The following TMEM45A variants were observed in gnomAD, a reference collection of about 807,000 sequenced individuals.
The protein encoded by TMEM45A is DNA polymerase-transactivated protein 4.
Under a neutral mutation model 32.0 loss-of-function variants are expected in TMEM45A, and 25 were observed. The ratio of observed to expected loss-of-function variants is 0.78; its 90% CI spans 0.57 to 1.09. The LOEUF (loss-of-function observed/expected upper bound fraction) is 1.09. Ranked by LOEUF, TMEM45A falls within the 50% of genes least tolerant of loss-of-function variation. The probability of loss-of-function intolerance (pLI) is 0.00; values close to 1 mark genes in which losing one functional copy is unlikely to be tolerated. For missense variants in TMEM45A, 302 were observed against 325.0 expected (o/e 0.93, Z 0.54); for synonymous variants, 122 against 114.8 (o/e 1.06, Z -0.40).
At chr3:100,573,486 T>C (rs999165717) in intron 5 of TMEM45A, 1 of 152,260 alleles carries the variant, frequency 6.6e-6, no homozygotes, top group African/African-American at 2.4e-5. Flanking sequence ...GCTTATCAGC[T>C]TAAGGAGCTT....
intron 1 of TMEM45A, among the ~76,000 whole-genome samples, chr3:100,545,447 T>C (rs1415201785): frequency 1.3e-5 from 2 of 152,192 alleles, no homozygotes; most frequent in Non-Finnish European, 2.9e-5. Context: ...TGTGTATAGT[T>C]TCTAGCTGTA....
At chr3:100,500,126 G>A (rs1707989519) in intron 1 of TMEM45A, among the ~76,000 whole-genome samples, 1 of 152,160 alleles carries the variant, frequency 6.6e-6, no homozygotes, top group East Asian at 1.9e-4. Context: ...ATTAAACTTT[G>A]TTAATAGTCT....
At chr3:100,544,078 G>GT (rs1192475355) in intron 1 of TMEM45A, among the ~76,000 whole-genome samples, 1,774 of 143,186 alleles carry the variant, frequency 0.012, 34 homozygotes, top group African/African-American at 0.04. Flanking sequence ...GTTTTAAGTG[G>GT]TTTTTTTTTT....
chr3:100,573,873 G>T (rs538707120), intron 5 of TMEM45A: 1 of 152,108 alleles, frequency 6.6e-6, no homozygotes, highest in Non-Finnish European at 1.5e-5. Flanking sequence ...GGTTTTTGTC[G>T]TTGGTTCTGT....
chr3:100,511,300 G>T (rs528907578), intron 1 of TMEM45A, among the ~76,000 whole-genome samples: 23 of 152,358 alleles, frequency 1.5e-4, no homozygotes, highest in South Asian at 8.3e-4. Context: ...CGAGCCAGAA[G>T]AGAGTGGGGG....
intron 4 of TMEM45A, among the ~76,000 whole-genome samples, chr3:100,560,337 A>G (rs1354600097): frequency 2.0e-5 from 3 of 151,872 alleles, no homozygotes; most frequent in Admixed American, 1.3e-4. Flanking sequence ...GCATTTAAAC[A>G]AATACATTTG....
chr3:100,546,942 G>A (rs1423475602), intron 1 of TMEM45A, among the ~76,000 whole-genome samples: 1 of 152,076 alleles, frequency 6.6e-6, no homozygotes, highest in Non-Finnish European at 1.5e-5. Flanking sequence ...TATATCTATG[G>A]CAGAGATAAT....
chr3:100,559,286 G>A (rs1706281918), intron 4 of TMEM45A, among the ~76,000 whole-genome samples: 1 of 152,146 alleles, frequency 6.6e-6, no homozygotes, highest in Non-Finnish European at 1.5e-5. Flanking sequence ...GGTGAATTTT[G>A]GTTTAATCAG....
At chr3:100,569,353 G>A (rs1576295838) in intron 5 of TMEM45A, among the ~76,000 whole-genome samples, 1 of 152,086 alleles carries the variant, frequency 6.6e-6, no homozygotes, top group Non-Finnish European at 1.5e-5. Flanking sequence ...CTTAAGCTTC[G>A]AGTCCTTTTT....
At chr3:100,546,968 T>C (rs1280897069) in intron 1 of TMEM45A, among the ~76,000 whole-genome samples, 1 of 152,146 alleles carries the variant, frequency 6.6e-6, no homozygotes, top group East Asian at 1.9e-4. Context: ...AGTTGACCCT[T>C]GAACAATGCA....
intron 1 of TMEM45A, among the ~76,000 whole-genome samples, chr3:100,548,665 T>C (rs1351440917): frequency 2.0e-5 from 3 of 152,228 alleles, no homozygotes; most frequent in African/African-American, 7.2e-5. Flanking sequence ...AATTAGTTTG[T>C]TCCTTAGGGA....
At position 100,557,710 on chromosome 3, in the gene TMEM45A, A is replaced by G. The variant is rs531973313; in HGVS notation, c.404-695A>G. Among the ~76,000 whole-genome samples, 8 of 152,220 alleles carry G rather than the reference A, an allele frequency of 5.3e-5. 1 individual carries two copies. The highest frequency in any genetic ancestry group is 2.6e-4 in the Admixed American group (4 of 15,288). On this transcript the variant is annotated intron_variant, in intron 3 of 5. Transcript: ENST00000323523. ...CCCATACCTCGGGAACAAGGGCTGG[A>G]TAAAAGATGGATGTCAACAACTAAT...
chr3:100,545,618 T>C (rs1705966564), intron 1 of TMEM45A, among the ~76,000 whole-genome samples: 1 of 152,220 alleles, frequency 6.6e-6, no homozygotes, highest in Non-Finnish European at 1.5e-5. Flanking sequence ...CCTTTAAAGT[T>C]CTTCCCAAAT....
chr3:100,558,802 T>A (rs1426973899), intron 4 of TMEM45A, among the ~76,000 whole-genome samples: 1 of 152,178 alleles, frequency 6.6e-6, no homozygotes, highest in Non-Finnish European at 1.5e-5. Flanking sequence ...CACATCTTCA[T>A]CACACCTGGA....
intron 1 of TMEM45A, among the ~76,000 whole-genome samples, chr3:100,506,557 G>T (rs1708082973): frequency 6.6e-6 from 1 of 152,158 alleles, no homozygotes; most frequent in South Asian, 2.1e-4. Context: ...TCTAGAGACT[G>T]CCAAACCATG....
At chr3:100,500,974 G>A (rs1322769639) in intron 1 of TMEM45A, among the ~76,000 whole-genome samples, 2 of 152,092 alleles carry the variant, frequency 1.3e-5, no homozygotes, top group Non-Finnish European at 2.9e-5. Flanking sequence ...GGAAATTGAT[G>A]TTTAGAAAGG....
chr3:100,512,373 T>G (rs1708180992), intron 1 of TMEM45A, among the ~76,000 whole-genome samples: 2 of 152,200 alleles, frequency 1.3e-5, no homozygotes, highest in Non-Finnish European at 2.9e-5. Context: ...CCTGAATGAC[T>G]ACTGGGTACA....
At chr3:100,513,209 C>T (rs924978791) in intron 1 of TMEM45A, among the ~76,000 whole-genome samples, 6 of 151,224 alleles carry the variant, frequency 4.0e-5, no homozygotes, top group South Asian at 2.1e-4. Flanking sequence ...TGATGAACAT[C>T]GATGCAAAAA....
intron 1 of TMEM45A, among the ~76,000 whole-genome samples, chr3:100,550,030 C>G (rs1288952547): frequency 1.7e-5 from 2 of 119,236 alleles, no homozygotes; most frequent in African/African-American, 6.7e-5. Context: ...AATAAACACA[C>G]TCTGGGGACT....
Sources: allele counts gnomAD v4.1 joint callset (sites outside exome capture counted in the v4.1 genomes callset), GRCh38; gene constraint gnomAD v4.1.1; transcripts MANE v1.5; gene names NCBI Gene and HGNC (gene_info 2026-07-23, HGNC 2026-07-21).